The following MRPS28 variants were observed in gnomAD, a reference collection of about 807,000 sequenced individuals.
The protein encoded by MRPS28 is small ribosomal subunit protein bS1m.
Under a neutral mutation model 10.8 loss-of-function variants are expected in MRPS28, and 7 were observed. The ratio of observed to expected loss-of-function variants is 0.65; its 90% CI spans 0.37 to 1.22. The LOEUF (loss-of-function observed/expected upper bound fraction) is 1.22, where lower values mean the gene tolerates loss of function less well. Among genes scored for constraint, MRPS28 ranks in the 50% most tolerant of loss-of-function variants. The pLI, the probability that MRPS28 is intolerant of heterozygous loss-of-function variation, is 0.02. For synonymous variants in MRPS28, 121 were observed against 93.3 expected (o/e 1.30, Z -1.71); for missense variants, 265 against 232.9 (o/e 1.14, Z -0.90).
At chr8:79,975,834 G>A (rs1373697673) in intron 2 of MRPS28, among the ~76,000 whole-genome samples, 1 of 151,744 alleles carries the variant, frequency 6.6e-6, no homozygotes, top group East Asian at 1.9e-4. Context: ...TTTATTATAA[G>A]GAAATAATCA....
chr8:79,926,567 T>C (rs61682359), intron 2 of MRPS28, among the ~76,000 whole-genome samples: 1,792 of 152,326 alleles, frequency 0.012, 46 homozygotes, highest in African/African-American at 0.04. Context: ...ACTTCAAATA[T>C]GGTTTTACTA....
At chr8:79,990,919 A>G (rs1161453757) in intron 2 of MRPS28, among the ~76,000 whole-genome samples, 1 of 150,966 alleles carries the variant, frequency 6.6e-6, no homozygotes, top group Admixed American at 6.6e-5. Flanking sequence ...TGAAGCCCAG[A>G]GGTGGAGGTT....
intron 2 of MRPS28, among the ~76,000 whole-genome samples, chr8:79,920,705 T>A (rs1236002694): frequency 1.3e-5 from 2 of 152,068 alleles, no homozygotes; most frequent in Non-Finnish European, 2.9e-5. Context: ...GTCAGAGGAG[T>A]AGATTGCAAA....
In MRPS28 at chr8:79,991,909, G is replaced by GCTCTCTCT. The variant is rs33936648; in HGVS notation, c.395+11082_395+11089dup. On this transcript the variant is annotated intron_variant, in intron 2 of 2. Transcript: ENST00000276585. ...TAAAAGGCATCACCACTTCCTCCTT[G>GCTCTCTCT]CTCTCTCTCTCTCTCTCTCTCTCTC... is the stretch of plus-strand genomic sequence containing the variant. Among the ~76,000 whole-genome samples, 130 of 133,078 alleles carry GCTCTCTCT rather than the reference G, an allele frequency of 9.8e-4. 1 individual carries two copies. Among genetic ancestry groups the GCTCTCTCT allele is most frequent in the African/African-American group, 1.9e-3 (63 of 32,582 alleles). The allele number at this position is 133,078 out of a possible 152,430, so 87.3% of individuals were successfully genotyped here.
intron 2 of MRPS28, among the ~76,000 whole-genome samples, chr8:79,942,210 T>C (rs1372543228): frequency 6.6e-6 from 1 of 152,092 alleles, no homozygotes; most frequent in Non-Finnish European, 1.5e-5. Flanking sequence ...AAGAGGAAAG[T>C]GGAATAATAG....
chr8:79,985,314 G>A (rs1469887474), intron 2 of MRPS28, among the ~76,000 whole-genome samples: 2 of 152,198 alleles, frequency 1.3e-5, no homozygotes, highest in African/African-American at 4.8e-5. Context: ...ATGCCCACAA[G>A]AGAAAGCAGG....
At chr8:80,002,287 T>G (rs1009746035) in intron 2 of MRPS28, among the ~76,000 whole-genome samples, 5 of 152,048 alleles carry the variant, frequency 3.3e-5, no homozygotes, top group Non-Finnish European at 7.4e-5. Context: ...ACTATTGTTT[T>G]ATATATGATT....
At chr8:79,961,968 G>A (rs887512243) in intron 2 of MRPS28, among the ~76,000 whole-genome samples, 13 of 152,030 alleles carry the variant, frequency 8.6e-5, no homozygotes, top group Non-Finnish European at 1.8e-4. Flanking sequence ...AAGATGTCAA[G>A]TTTACTTAGG....
intron 2 of MRPS28, among the ~76,000 whole-genome samples, chr8:79,979,915 CAAAAAAA>C (rs61633169): frequency 2.7e-3 from 86 of 31,352 alleles, no homozygotes; most frequent in African/African-American, 5.4e-3. Context: ...GATTCTCACG[CAAAAAAA>C]AAAAAAAAAA....
At chr8:79,958,833 T>C (rs1397620589) in intron 2 of MRPS28, among the ~76,000 whole-genome samples, 2 of 152,130 alleles carry the variant, frequency 1.3e-5, no homozygotes, top group African/African-American at 4.8e-5. Flanking sequence ...TAAAAATTAG[T>C]TTGGATTTAC....
At chr8:80,012,473 C>T (rs902640616) in intron 1 of MRPS28, among the ~76,000 whole-genome samples, 4 of 152,178 alleles carry the variant, frequency 2.6e-5, no homozygotes, top group Non-Finnish European at 5.9e-5. Flanking sequence ...AGTCTCTAAA[C>T]TAACATTGAT....
chr8:80,013,826 T>C (rs1316622587), intron 1 of MRPS28, among the ~76,000 whole-genome samples: 2 of 152,118 alleles, frequency 1.3e-5, no homozygotes, highest in Non-Finnish European at 2.9e-5. Flanking sequence ...AACCAATAAA[T>C]GTTACGCTCG....
chr8:80,012,483 T>C (rs144906777), intron 1 of MRPS28, among the ~76,000 whole-genome samples: 6 of 152,328 alleles, frequency 3.9e-5, no homozygotes, highest in African/African-American at 1.2e-4. Context: ...CTAACATTGA[T>C]AGCTCCTCTC....
chr8:79,951,856 C>T (rs978819659), intron 2 of MRPS28, among the ~76,000 whole-genome samples: 1 of 152,106 alleles, frequency 6.6e-6, no homozygotes, highest in African/African-American at 2.4e-5. Flanking sequence ...GGGAAAAAGG[C>T]CAGACTAGAA....
chr8:79,990,080 G>A (rs1319545159), intron 2 of MRPS28, among the ~76,000 whole-genome samples: 1 of 152,216 alleles, frequency 6.6e-6, no homozygotes, highest in Non-Finnish European at 1.5e-5. Context: ...AGAATCGCTT[G>A]AGCCCAGGAG....
chr8:79,973,851 AAAG>A (rs1466656283), intron 2 of MRPS28, among the ~76,000 whole-genome samples: 6 of 151,530 alleles, frequency 4.0e-5, no homozygotes, highest in East Asian at 3.9e-4. Context: ...AAAAAAAAAA[AAAG>A]AAAGAAAGAA....
At chr8:80,021,349 T>C (rs78818099) in intron 1 of MRPS28, among the ~76,000 whole-genome samples, 2,628 of 152,302 alleles carry the variant, frequency 0.017, 77 homozygotes, top group African/African-American at 0.058. Context: ...CAAAAATTTA[T>C]TAATGAAGGG....
At chr8:80,024,882 A>C (rs1342437875) in intron 1 of MRPS28, among the ~76,000 whole-genome samples, 2 of 152,222 alleles carry the variant, frequency 1.3e-5, no homozygotes, top group Non-Finnish European at 2.9e-5. Context: ...TATACCATAA[A>C]GGTAGTAAAA....
In MRPS28 at chr8:80,030,128, T is replaced by G. The variant is rs760510062; in HGVS notation, c.121A>C (p.Asn41His). Residue 41 changes from asparagine (N) to histidine (H), a missense_variant, in exon 1 of 3, where the codon AAT (asparagine) becomes CAT (histidine). Transcript: ENST00000276585. ...TESGSESGSS[N>H]AKEPKTRAGG... is the part of the protein sequence containing the mutation. ...GCGCGCGTCTTAGGCTCCTTGGCAT[T>G]GGAACTACCACTTTCGGATCCACTC... 1 of 1,612,976 alleles carries G rather than the reference T, an allele frequency of 6.2e-7. No homozygotes were observed. Among genetic ancestry groups the G allele is most frequent in the Non-Finnish European group, 8.5e-7 (1 of 1,180,022 alleles).
Sources: allele counts gnomAD v4.1 joint callset (sites outside exome capture counted in the v4.1 genomes callset), GRCh38; gene constraint gnomAD v4.1.1; transcripts MANE v1.5; gene names NCBI Gene and HGNC (gene_info 2026-07-23, HGNC 2026-07-21).